RABGAP1L: variants seen among roughly 807,000 people sequenced by gnomAD.
RABGAP1L encodes rab GTPase-activating protein 1-like.
Under a neutral mutation model 137.7 loss-of-function variants are expected in RABGAP1L, and 63 were observed. That is an observed-to-expected ratio of 0.46 (90% CI 0.37 to 0.56). The LOEUF is 0.56. Ranked by LOEUF, RABGAP1L falls within the 20% of genes least tolerant of loss-of-function variation. RABGAP1L has a pLI of 0.00. For missense variants in RABGAP1L, 1,095 were observed against 1,244.0 expected (o/e 0.88, Z 1.80); for synonymous variants, 431 against 433.7 (o/e 0.99, Z 0.08).
At chr1:174,954,341 A>G (rs1294305746) in intron 19 of RABGAP1L, 1 of 152,196 alleles carries the variant, frequency 6.6e-6, no homozygotes, top group Non-Finnish European at 1.5e-5. Flanking sequence ...TTCCCTGAAC[A>G]AGATGAAGCC....
chr1:174,786,406 T>C (rs1268877340), intron 18 of RABGAP1L, among the ~76,000 whole-genome samples: 1 of 152,196 alleles, frequency 6.6e-6, no homozygotes, highest in Non-Finnish European at 1.5e-5. Flanking sequence ...ATGAAAAATA[T>C]TGTTTTATTT....
intron 7 of RABGAP1L, among the ~76,000 whole-genome samples, chr1:174,253,410 T>G (rs1325364019): frequency 6.6e-6 from 1 of 152,176 alleles, no homozygotes. Flanking sequence ...ATATAAAGAT[T>G]TTAATACCTA....
chr1:174,828,839 G>C (rs1691839439), intron 19 of RABGAP1L, among the ~76,000 whole-genome samples: 1 of 147,694 alleles, frequency 6.8e-6, no homozygotes, highest in African/African-American at 2.5e-5. Context: ...TTAAGAACGT[G>C]GTTTTCTGAA....
Position 174,723,679 on chromosome 1 carries a change from G to A in RABGAP1L, c.2169+21423G>A, listed in dbSNP as rs373104987. On this transcript the variant is annotated intron_variant, in intron 17 of 25. Transcript: ENST00000681986. ...TGCATATCATATATTTAAAATACAT[G>A]TAAAATTTGCAGTTTGCTGCACAAT... Among the ~76,000 whole-genome samples the A allele has an allele frequency of 3.1e-4, 47 of 152,174 alleles. 1 individual carries two copies. The East Asian group carries it at 8.7e-3, about 28-fold the overall frequency.
chr1:174,498,334 A>C (rs535636554), intron 13 of RABGAP1L, among the ~76,000 whole-genome samples: 1 of 152,250 alleles, frequency 6.6e-6, no homozygotes, highest in South Asian at 2.1e-4. Context: ...TAGGAATGCT[A>C]ATTAATTAAA....
At chr1:174,652,748 G>C (rs1487835622) in intron 14 of RABGAP1L, among the ~76,000 whole-genome samples, 1 of 152,176 alleles carries the variant, frequency 6.6e-6, no homozygotes, top group African/African-American at 2.4e-5. Context: ...CTGCTGGGAG[G>C]TGTCCCCAGT....
intron 17 of RABGAP1L, among the ~76,000 whole-genome samples, chr1:174,702,896 G>A (rs1679762866): frequency 6.6e-6 from 1 of 151,648 alleles, no homozygotes; most frequent in East Asian, 1.9e-4. Flanking sequence ...CATATATATG[G>A]CTTATATTGG....
chr1:174,635,106 A>T (rs933113418), intron 13 of RABGAP1L, among the ~76,000 whole-genome samples: 1 of 152,038 alleles, frequency 6.6e-6, no homozygotes, highest in Non-Finnish European at 1.5e-5. Context: ...GTGTTAGGCA[A>T]ATTTACTCTC....
chr1:174,824,970 T>G (rs1691425501), intron 19 of RABGAP1L, among the ~76,000 whole-genome samples: 1 of 152,226 alleles, frequency 6.6e-6, no homozygotes, highest in Non-Finnish European at 1.5e-5. Flanking sequence ...GAGAAAATTA[T>G]ATTCCTTGCT....
chr1:174,704,379 A>G (rs1396039777), intron 17 of RABGAP1L, among the ~76,000 whole-genome samples: 1 of 152,212 alleles, frequency 6.6e-6, no homozygotes, highest in African/African-American at 2.4e-5. Context: ...AAACTATATA[A>G]AGCATAAAAA....
At chr1:174,481,105 T>A (rs1010428057) in intron 13 of RABGAP1L, among the ~76,000 whole-genome samples, 5 of 152,202 alleles carry the variant, frequency 3.3e-5, no homozygotes, top group Admixed American at 1.3e-4. Flanking sequence ...CAAACTTTTT[T>A]AAATTTTACT....
intron 13 of RABGAP1L, among the ~76,000 whole-genome samples, chr1:174,535,175 TTC>T (rs752406145): frequency 6.6e-6 from 1 of 152,230 alleles, no homozygotes; most frequent in African/African-American, 2.4e-5. Flanking sequence ...CTGTAAAATT[TTC>T]TCTTTTGAAA....
intron 17 of RABGAP1L, among the ~76,000 whole-genome samples, chr1:174,749,974 A>T (rs1259330964): frequency 1.3e-5 from 2 of 152,040 alleles, no homozygotes; most frequent in African/African-American, 4.8e-5. Flanking sequence ...GGTTCACACC[A>T]TTCTCCTGCT....
chr1:174,220,826 A>G, intron 2 of RABGAP1L, 146 bp from the exon 3 acceptor site: 1 of 630,952 alleles, frequency 1.6e-6, no homozygotes, highest in Non-Finnish European at 2.4e-6. Context: ...AATGTATTAT[A>G]TATGTGAAAC....
intron 13 of RABGAP1L, among the ~76,000 whole-genome samples, chr1:174,496,527 C>G (rs1428471330): frequency 6.6e-6 from 1 of 152,130 alleles, no homozygotes; most frequent in East Asian, 1.9e-4. Context: ...GACCTTAAAA[C>G]CAGAAGATAC....
chr1:174,968,872 T>A (rs1206651582), intron 20 of RABGAP1L, among the ~76,000 whole-genome samples: 1 of 152,204 alleles, frequency 6.6e-6, no homozygotes, highest in Non-Finnish European at 1.5e-5. Flanking sequence ...TTCCCCTGTT[T>A]CATTCCTACT....
intron 13 of RABGAP1L, among the ~76,000 whole-genome samples, chr1:174,633,791 C>A (rs1673667678): frequency 7.1e-6 from 1 of 139,938 alleles, no homozygotes; most frequent in Non-Finnish European, 1.5e-5. Flanking sequence ...GGAAAGGATT[C>A]CCTATTTAAT....
chr1:174,448,835 G>A lies in RABGAP1L; in HGVS notation c.1710+54690G>A, dbSNP rs1039208908. On this transcript the variant is annotated intron_variant, in intron 13 of 25. Transcript: ENST00000681986. The surrounding 1 kb of genome is among the most constrained non-coding windows in gnomAD (Gnocchi z 4.2). ...CACCAAAGAGATAAATGACCGAAGAGCCCGATTCCCTAGTCATGAGGTAGA... is the reference window on the plus strand; with the variant it reads ...CACCAAAGAGATAAATGACCGAAGAACCCGATTCCCTAGTCATGAGGTAGA... The A allele has an allele frequency of 2.5e-6, 4 of 1,613,996 alleles. No individual in the cohort carries two copies. Among genetic ancestry groups the A allele is most frequent in the Admixed American group, 1.7e-5 (1 of 60,008 alleles).
At chr1:174,964,958 C>T in intron 20 of RABGAP1L, 2 of 1,503,144 alleles carry the variant, frequency 1.3e-6, no homozygotes, top group Non-Finnish European at 1.8e-6. Context: ...TGATTGAAAA[C>T]AGTAGTTGGT....
Sources: gnomAD v4.1 joint callset for allele counts (sites outside exome capture counted in the v4.1 genomes callset) on GRCh38, gnomAD v4.1.1 for gene constraint, Gnocchi (gnomAD v3.1) non-coding constraint, MANE v1.5 for transcripts, NCBI Gene and HGNC (gene_info 2026-07-23, HGNC 2026-07-21) for gene names.